HCRTR1: variants seen among roughly 807,000 people sequenced by gnomAD.
HCRTR1 encodes the protein hypocretin receptor 1.
HCRTR1 carries 28 observed loss-of-function variants against 40.6 expected under a neutral mutation model. The ratio of observed to expected loss-of-function variants is 0.69; its 90% confidence interval spans 0.51 to 0.95. The LOEUF is 0.95. Among genes scored for constraint, HCRTR1 ranks in the 40% least tolerant of loss-of-function variants. The probability of loss-of-function intolerance (pLI) is 0.00; values close to 1 mark genes in which losing one functional copy is unlikely to be tolerated. For missense variants in HCRTR1, 482 were observed against 564.7 expected, an observed-to-expected ratio of 0.85 and a Z score of 1.48; for synonymous variants, 209 against 230.0, an observed-to-expected ratio of 0.91 and a Z score of 0.83.
At chr1:31,622,805 C>A (rs895549607) in intron 6 of HCRTR1, among the ~76,000 whole-genome samples, 1 of 152,190 alleles carries the variant, frequency 6.6e-6, no homozygotes, top group Admixed American at 6.5e-5. Flanking sequence ...TTGCCCAGGC[C>A]TCCTCATAGT....
rs1639970468 is a variant in HCRTR1 at position 31,626,061 on chromosome 1, C to A, written c.1088-729C>A. Among the ~76,000 whole-genome samples, 1 of 152,306 alleles carries A rather than the reference C, an allele frequency of 6.6e-6. No homozygotes were observed. The highest frequency in any genetic ancestry group is 2.1e-4 in the South Asian group (1 of 4,824). ...TTGTTTGGCCTATGTTTACTGAGCA[C>A]CTACTATGTGCTTGACCCTGTGCTG... On this transcript the variant is annotated intron_variant, in intron 8 of 8. Transcript: ENST00000403528. This position sits in a 1 kb window ranked among gnomAD's most constrained non-coding sequence, Gnocchi z 4.6.
chr1:31,621,189 C>A, intron 5 of HCRTR1, 103 bp downstream of exon 5: 2 of 1,429,140 alleles, frequency 1.4e-6, no homozygotes, highest in Non-Finnish European at 1.9e-6. Context: ...AGTGGGAAAT[C>A]CCAGAGCAGG....
At position 31,626,398 on chromosome 1, in the gene HCRTR1, G is replaced by GGCT. The variant is rs1414104510; in HGVS notation, c.1088-383_1088-381dup. 2.6e-5 allele frequency among the ~76,000 whole-genome samples: 4 copies of GGCT among 152,204 alleles called. No homozygotes were observed. The highest frequency in any genetic ancestry group is 5.9e-5 in the Non-Finnish European group (4 of 68,040). ...ACAGCGTGACTGCCAAATGCAAAAG[G>GGCT]GCTGCTGCTGCCGTCATTTTCATCA... On this transcript the variant is annotated intron_variant, in intron 8 of 8. Transcript: ENST00000403528. This position sits in a 1 kb window ranked among gnomAD's most constrained non-coding sequence, Gnocchi z 4.6.
At chr1:31,622,805 C>T (rs895549607) in intron 6 of HCRTR1, among the ~76,000 whole-genome samples, 18 of 152,190 alleles carry the variant, frequency 1.2e-4, no homozygotes, top group Non-Finnish European at 2.4e-4. Context: ...TTGCCCAGGC[C>T]TCCTCATAGT....
rs1639972573 is a variant in HCRTR1 at position 31,626,174 on chromosome 1, A to G, written c.1088-616A>G. Among the ~76,000 whole-genome samples, 1 of 152,202 alleles carries G rather than the reference A, an allele frequency of 6.6e-6. No homozygotes were observed. The highest frequency in any genetic ancestry group is 6.5e-5 in the Admixed American group (1 of 15,282). On this transcript the variant is annotated intron_variant, in intron 8 of 8. Coordinates refer to ENST00000403528, the MANE Select transcript of HCRTR1 (RefSeq NM_001525.3). This position sits in a 1 kb window ranked among gnomAD's most constrained non-coding sequence, Gnocchi z 4.6. Reference sequence around the variant, plus strand: ...TGTTTCCCTGGTATACTTGGGCTGAATAATGTGGTGTGGTGGTCCCTCCTT... The same window carrying G: ...TGTTTCCCTGGTATACTTGGGCTGAGTAATGTGGTGTGGTGGTCCCTCCTT...
chr1:31,623,693 G>A lies in HCRTR1; in HGVS notation c.909G>A (p.Val303=), dbSNP rs1639912153. The A allele has an allele frequency of 6.2e-7, 1 of 1,614,052 alleles. No homozygotes were observed. The highest frequency in any genetic ancestry group is 8.5e-7 in the Non-Finnish European group (1 of 1,180,050). ...AGACAGCCAAGATGCTGATGGTGGT[G>A]CTGCTGGTCTTCGCCCTCTGCTACC... is the stretch of plus-strand genomic sequence containing the variant. ...RRKTAKMLMV[V]LLVFALCYLP... Residue 303 remains valine, a synonymous_variant, in exon 7 of 9, where the codon GTG becomes GTA. Transcript: ENST00000403528.
Position 31,620,924 on chromosome 1 carries a change from TTCAA to T in HCRTR1, c.461_464del (p.Phe154Ter). The stretch of plus-strand genomic sequence containing the variant: ...GTATGCCATCTGCCACCCACTATTG[TTCAA>T]GAGCACAGCCCGGCGGGCCCGTGGC... On this transcript the variant is annotated frameshift_variant, in exon 5 of 9. Coordinates refer to ENST00000403528, the MANE Select transcript of HCRTR1 (RefSeq NM_001525.3). LOFTEE classifies it high-confidence loss of function. The T allele has an allele frequency of 6.2e-7, 1 of 1,614,122 alleles. No individual in the cohort carries two copies. Among genetic ancestry groups the T allele is most frequent in the Non-Finnish European group, 8.5e-7 (1 of 1,180,026 alleles).
chr1:31,629,113 C>T (rs1009675741), downstream of HCRTR1, among the ~76,000 whole-genome samples: 14 of 152,184 alleles, frequency 9.2e-5, no homozygotes, highest in Admixed American at 1.3e-4. Flanking sequence ...AATTTTAGCT[C>T]TGGATGGGGG....
In HCRTR1 at chr1:31,623,706, G is replaced by A. The variant is rs200023428; in HGVS notation, c.922G>A (p.Ala308Thr). ...GCTGATGGTGGTGCTGCTGGTCTTC[G>A]CCCTCTGCTACCTGCCCATCAGCGT... The part of the protein sequence containing the change: ...KMLMVVLLVF[A>T]LCYLPISVLN... The change falls in exon 7 of 9, where the codon GCC becomes ACC. Residue 308 changes from alanine (A) to threonine (T), a missense_variant. Physicochemically the swap from Ala to Thr is moderately conservative, Grantham distance 58 (BLOSUM62 0). Coordinates refer to ENST00000403528, the MANE Select transcript of HCRTR1 (RefSeq NM_001525.3). 1.0e-4 allele frequency: 163 copies of A among 1,614,158 alleles called. No individual in the cohort carries two copies. Among genetic ancestry groups the A allele is most frequent in the African/African-American group, 5.2e-4 (39 of 75,062 alleles).
chr1:31,630,780 A>T (rs1218449835), downstream of HCRTR1: 4 of 1,613,834 alleles, frequency 2.5e-6, no homozygotes, highest in Non-Finnish European at 3.4e-6. Context: ...GAGCGTGGGC[A>T]GTAGCGGGAG....
At position 31,619,411 on chromosome 1, in the gene HCRTR1, G is replaced by C; in HGVS notation, c.199+20G>C. ...CGCTGGGTAGGTCCAGGGCTTGCCC[G>C]GCAGTGCTGCCGGCTTTCCCTGGGG... is the stretch of plus-strand genomic sequence containing the variant. On this transcript the variant is annotated intron_variant, in intron 3 of 8. Transcript: ENST00000403528. 1 of 1,613,744 alleles carries C rather than the reference G, an allele frequency of 6.2e-7. No individual in the cohort carries two copies. Among genetic ancestry groups the C allele is most frequent in the South Asian group, 1.1e-5 (1 of 91,066 alleles).
chr1:31,627,164 C>G lies in HCRTR1; in HGVS notation c.*184C>G. ...AGGGTTGATGTGAGGATTAAGCATG[C>G]TGAAGCAAGTGGAAAGCTCCTTGTA... is the stretch of plus-strand genomic sequence containing the variant. On this transcript the variant is annotated 3_prime_UTR_variant, in exon 9 of 9. Transcript: ENST00000403528. 7.0e-7 allele frequency: 1 copy of G among 1,433,810 alleles called. No homozygotes were observed. Among genetic ancestry groups the G allele is most frequent in the Non-Finnish European group, 9.3e-7 (1 of 1,076,372 alleles). 88.8% of individuals were successfully genotyped at this position (1,433,810 alleles called of 1,614,324 possible).
rs1639948123 is a variant in HCRTR1 at position 31,625,097 on chromosome 1, A to G, written c.1066A>G (p.Ile356Val). The change falls in exon 8 of 9, where the codon ATC (isoleucine) becomes GTC (valine). Residue 356 changes from isoleucine to valine, a missense_variant. Transcript: ENST00000403528. This position sits in a 1 kb window ranked among gnomAD's most constrained non-coding sequence, Gnocchi z 4.2. ...GTACGCCAACAGCGCTGCCAACCCC[A>G]TCATCTACAACTTCCTCAGTGGTGA... ...LVYANSAANP[I>V]IYNFLSGKFR... 1.9e-6 allele frequency: 3 copies of G among 1,611,488 alleles called. No homozygotes were observed. The highest frequency in any genetic ancestry group is 2.7e-5 in the African/African-American group (2 of 75,008).
chr1:31,631,578 G>A (rs552655783), downstream of HCRTR1, among the ~76,000 whole-genome samples: 14 of 152,208 alleles, frequency 9.2e-5, no homozygotes, highest in Admixed American at 5.9e-4. Context: ...TTTTCTCACC[G>A]GTAAAAGGGA....
chr1:31,620,574 G>A (rs1639831239), intron 4 of HCRTR1, among the ~76,000 whole-genome samples: 1 of 152,208 alleles, frequency 6.6e-6, no homozygotes. Context: ...CACCGGAGGG[G>A]TGCACCTACC....
Position 31,621,611 on chromosome 1 carries a change from AGGG to A in HCRTR1, c.738+21_738+23del. On this transcript the variant is annotated intron_variant, in intron 6 of 8. Transcript: ENST00000403528. ...CCGCCAGGTGAGGCCCACTCTGGGC[AGGG>A]GCTAGGCCAGTCACTGTGTGGGCTG... is the stretch of plus-strand genomic sequence containing the variant. 6.8e-7 allele frequency: 1 copy of A among 1,468,934 alleles called. No homozygotes were observed. The highest frequency in any genetic ancestry group is 1.1e-5 in the South Asian group (1 of 88,466). 91.0% of individuals were successfully genotyped at this position (1,468,934 alleles called of 1,614,324 possible). A position where few individuals can be genotyped will look rare whatever the true frequency, so the allele number is the denominator to read the frequency against.
chr1:31,627,835 CCCT>C (rs1640009757), downstream of HCRTR1, among the ~76,000 whole-genome samples: 1 of 152,176 alleles, frequency 6.6e-6, no homozygotes, highest in African/African-American at 2.4e-5. Context: ...GGGACCTCAC[CCCT>C]CGACACAACT....
chr1:31,631,329 G>T (rs1463090620), downstream of HCRTR1, among the ~76,000 whole-genome samples: 1 of 152,204 alleles, frequency 6.6e-6, no homozygotes, highest in African/African-American at 2.4e-5. Context: ...GTAGGTTCTA[G>T]TAAGGATTAA....
chr1:31,627,435 A>C lies in HCRTR1; in HGVS notation c.*455A>C. ...GCTGTTCTGATGCCTGTGTGAACTA[A>C]TCTGGGCCCAGCCTTTCTCCAGCGG... On this transcript the variant is annotated 3_prime_UTR_variant, in exon 9 of 9. Coordinates refer to ENST00000403528, the MANE Select transcript of HCRTR1 (RefSeq NM_001525.3). 1 of 1,092,848 alleles carries C rather than the reference A, an allele frequency of 9.2e-7. No individual in the cohort carries two copies. The highest frequency in any genetic ancestry group is 1.2e-6 in the Non-Finnish European group (1 of 808,262). The allele number at this position is 1,092,848 out of a possible 1,614,324, so 67.7% of individuals were successfully genotyped here.
Sources: allele counts gnomAD v4.1 joint callset (sites outside exome capture counted in the v4.1 genomes callset), GRCh38; gene constraint gnomAD v4.1.1; non-coding constraint Gnocchi (gnomAD v3.1); transcripts MANE v1.5; gene names NCBI Gene and HGNC (gene_info 2026-07-23, HGNC 2026-07-21).